The following CRYZL1 variants were observed in gnomAD, a reference collection of about 807,000 sequenced individuals.
CRYZL1 encodes the protein crystallin zeta like 1, also known as ferry endosomal RAB5 effector complex subunit 4.
CRYZL1 carries 34 observed loss-of-function variants against 50.6 expected under a neutral mutation model. That is an observed-to-expected ratio of 0.67 (90% CI 0.51 to 0.89). The LOEUF (loss-of-function observed/expected upper bound fraction) is 0.89, where lower values mean the gene tolerates loss of function less well. Ranked by LOEUF, CRYZL1 falls within the 40% of genes least tolerant of loss-of-function variation. The pLI is 0.00. For synonymous variants in CRYZL1, 125 were observed against 134.3 expected (o/e 0.93, Z 0.48); for missense variants, 354 against 402.3 (o/e 0.88, Z 1.03).
chr21:33,610,035 CT>C, intron 6 of CRYZL1, among the ~76,000 whole-genome samples: 1 of 144,352 alleles, frequency 6.9e-6, no homozygotes, highest in Non-Finnish European at 1.5e-5. Flanking sequence ...ATTTTATTTG[CT>C]GGTAGAGACA....
chr21:33,610,158 C>T (rs1036333163), intron 6 of CRYZL1, among the ~76,000 whole-genome samples: 9 of 150,200 alleles, frequency 6.0e-5, no homozygotes, highest in Non-Finnish European at 1.2e-4. Context: ...CCTTAAAGTA[C>T]TTATTTTATG....
intron 2 of CRYZL1, among the ~76,000 whole-genome samples, chr21:33,629,395 G>T (rs1377158690): frequency 1.3e-5 from 2 of 152,160 alleles, no homozygotes; most frequent in East Asian, 3.9e-4. Flanking sequence ...CCGAGTAACT[G>T]GGACTAGAGG....
At chr21:33,595,579 T>C in intron 11 of CRYZL1, 152 bp downstream of exon 11, 1 of 1,361,646 alleles carries the variant, frequency 7.3e-7, no homozygotes, top group South Asian at 1.3e-5. Context: ...GCTGTTTTAA[T>C]GTTTAAATGA....
chr21:33,607,176 T>C (rs935018160), intron 6 of CRYZL1, among the ~76,000 whole-genome samples: 2 of 152,192 alleles, frequency 1.3e-5, no homozygotes, highest in Non-Finnish European at 2.9e-5. Flanking sequence ...GCTTAAGAAC[T>C]GAAAAGTACA....
At chr21:33,594,216 C>T (rs927996108) in intron 11 of CRYZL1, among the ~76,000 whole-genome samples, 2 of 149,464 alleles carry the variant, frequency 1.3e-5, no homozygotes, top group Non-Finnish European at 3.0e-5. Context: ...TGCAGTGGCG[C>T]GATCTCAGCT....
intron 10 of CRYZL1, among the ~76,000 whole-genome samples, chr21:33,596,773 G>T (rs146603944): frequency 6.6e-6 from 1 of 151,182 alleles, no homozygotes; most frequent in Admixed American, 6.6e-5. Context: ...TGGCCAACAT[G>T]TTGCTAAAGT....
chr21:33,631,247 AC>A (rs1391721706), intron 2 of CRYZL1, among the ~76,000 whole-genome samples: 2 of 152,218 alleles, frequency 1.3e-5, no homozygotes, highest in Non-Finnish European at 1.5e-5. Context: ...ATCACAGGGT[AC>A]CCCATAAATA....
Position 33,614,792 on chromosome 21 carries a change from G to A in CRYZL1, c.263-1186C>T, listed in dbSNP as rs759639155. ...TCACCACATTGGCCAGGCTGGTCTC[G>A]AACTCCTGATCTTGTGATCCACCCA... is the stretch of plus-strand genomic sequence containing the variant. On this transcript the variant is annotated intron_variant, in intron 5 of 12. Transcript: ENST00000381554. 5.3e-5 allele frequency among the ~76,000 whole-genome samples: 8 copies of A among 152,168 alleles called. No homozygotes were observed. In the South Asian group the frequency reaches 1.2e-3, roughly 24 times the overall value.
chr21:33,626,114 T>TG (rs2087059919), intron 2 of CRYZL1, among the ~76,000 whole-genome samples: 1 of 152,000 alleles, frequency 6.6e-6, no homozygotes, highest in Non-Finnish European at 1.5e-5. Context: ...CCACTATGCC[T>TG]GGCTAATTTT....
chr21:33,595,524 T>G, intron 11 of CRYZL1: 1 of 1,281,926 alleles, frequency 7.8e-7, no homozygotes, highest in East Asian at 2.9e-5. Flanking sequence ...CTTCTGTTTC[T>G]TCACCTGTGA....
chr21:33,595,189 C>G (rs2086681784), intron 11 of CRYZL1: 2 of 1,124,956 alleles, frequency 1.8e-6, no homozygotes, highest in African/African-American at 3.3e-5. Flanking sequence ...TCAATCACAC[C>G]AGACTTATCT....
chr21:33,629,356 G>C (rs2087110204), intron 2 of CRYZL1, among the ~76,000 whole-genome samples: 1 of 152,184 alleles, frequency 6.6e-6, no homozygotes, highest in South Asian at 2.1e-4. Context: ...CTGCCTCTTG[G>C]GTTCAAGCAA....
intron 1 of CRYZL1, among the ~76,000 whole-genome samples, chr21:33,636,686 C>T (rs1434912161): frequency 6.6e-6 from 1 of 152,186 alleles, no homozygotes; most frequent in Non-Finnish European, 1.5e-5. Flanking sequence ...AATAAAAATA[C>T]TGATCTGTTA....
At chr21:33,612,710 A>AGT (rs147973146) in intron 6 of CRYZL1, among the ~76,000 whole-genome samples, 53 of 152,148 alleles carry the variant, frequency 3.5e-4, no homozygotes, top group African/African-American at 8.7e-4. Flanking sequence ...GGTTTCATGA[A>AGT]GTGTGTGTGT....
At chr21:33,592,016 C>T (rs564832692) in intron 11 of CRYZL1, among the ~76,000 whole-genome samples, 4 of 151,384 alleles carry the variant, frequency 2.6e-5, no homozygotes, top group Non-Finnish European at 5.9e-5. Context: ...AACCGAGGCA[C>T]ATCTCCATTA....
rs1200457288 is a variant in CRYZL1, at chr21:33,600,953, TG to T, written c.577+1280del. 2.2e-5 allele frequency among the ~76,000 whole-genome samples: 3 copies of T among 134,168 alleles called. 1 individual carries two copies. Among genetic ancestry groups the T allele is most frequent in the East Asian group, 2.2e-4 (1 of 4,522 alleles). 88.0% of individuals were successfully genotyped at this position (134,168 alleles called of 152,430 possible). A position where few individuals can be genotyped will look rare whatever the true frequency, so the allele number is the denominator to read the frequency against. ...ATAAAGTTTTTTTTTTTTTTTTTTT[TG>T]GGGGCGGACTGTCGCTCTGTTGCCC... On this transcript the variant is annotated intron_variant, in intron 8 of 12. Coordinates refer to ENST00000381554, the MANE Select transcript of CRYZL1 (RefSeq NM_145858.3).
intron 3 of CRYZL1, 129 bp downstream of exon 3, chr21:33,624,553 TA>T: frequency 2.8e-6 from 4 of 1,426,284 alleles, no homozygotes; most frequent in Non-Finnish European, 2.8e-6. Context: ...CCGTCTCAAA[TA>T]AAAAAATTAA....
At chr21:33,591,516 T>C (rs2086642217) in intron 11 of CRYZL1, 2 of 389,994 alleles carry the variant, frequency 5.1e-6, no homozygotes, top group East Asian at 4.4e-5. Flanking sequence ...AAATAGTGTC[T>C]AGTTTTCATT....
At chr21:33,611,763 C>T (rs1272582040) in intron 6 of CRYZL1, among the ~76,000 whole-genome samples, 1 of 152,190 alleles carries the variant, frequency 6.6e-6, no homozygotes, top group Non-Finnish European at 1.5e-5. Flanking sequence ...TATCCACTGA[C>T]CACATCTTCC....
Sources: allele counts gnomAD v4.1 joint callset (sites outside exome capture counted in the v4.1 genomes callset), GRCh38; gene constraint gnomAD v4.1.1; transcripts MANE v1.5; gene names NCBI Gene and HGNC (gene_info 2026-07-23, HGNC 2026-07-21).